LRP8: variants seen among roughly 807,000 people sequenced by gnomAD.
The protein encoded by LRP8 is LDL receptor related protein 8.
In LRP8, 46 loss-of-function variants were observed where a neutral mutation model predicts 111.6. That is an observed-to-expected ratio of 0.41 (90% confidence interval 0.33 to 0.53). The LOEUF (loss-of-function observed/expected upper bound fraction) is 0.53. Ranked by LOEUF, LRP8 falls within the 20% of genes least tolerant of loss-of-function variation. LRP8 has a pLI of 0.20. For missense variants in LRP8, 959 were observed against 1,297.4 expected, an observed-to-expected ratio of 0.74 and a Z score of 4.01; for synonymous variants, 464 against 511.2, an observed-to-expected ratio of 0.91 and a Z score of 1.24.
intron 12 of LRP8, among the ~76,000 whole-genome samples, chr1:53,261,094 C>A (rs1438710572): frequency 6.6e-6 from 1 of 152,212 alleles, no homozygotes; most frequent in Non-Finnish European, 1.5e-5. Context: ...CATCCTCATA[C>A]ACAGATCTAA....
chr1:53,277,615 C>T (rs1378597059), intron 4 of LRP8, among the ~76,000 whole-genome samples: 1 of 152,192 alleles, frequency 6.6e-6, no homozygotes, highest in Admixed American at 6.5e-5. Flanking sequence ...GCCCAGTGCA[C>T]AGGCTCCCAC....
chr1:53,260,723 C>G lies in LRP8; in HGVS notation c.1915-118G>C, dbSNP rs772183183. ...TTCCCTGAAATCTCCCCTGATCTGT[C>G]CTGTCTATGGATTCACGGTGGGGCT... On this transcript the variant is annotated intron_variant, in intron 12 of 18. Transcript: ENST00000306052. 5.0e-6 allele frequency: 5 copies of G among 999,284 alleles called. No homozygotes were observed. In the South Asian group the frequency reaches 7.6e-5, roughly 15 times the overall value. The allele number at this position is 999,284 out of a possible 1,614,324, so 61.9% of individuals were successfully genotyped here. A position where few individuals can be genotyped will look rare whatever the true frequency, so the allele number is the denominator to read the frequency against.
rs762857872 is a variant in LRP8, at chr1:53,262,616, TG to T, written c.1656-53del. 3.4e-5 allele frequency: 49 copies of T among 1,456,760 alleles called. No individual in the cohort carries two copies. In the African/African-American group the frequency reaches 6.4e-4, roughly 19 times the overall value. 90.2% of individuals were successfully genotyped at this position (1,456,760 alleles called of 1,614,324 possible). ...CTTCTTGCTGGGGACATGACCGGGGTGGTCTGAGTCACAAGAGCTCAATAAC... is the reference window on the plus strand; with the variant it reads ...CTTCTTGCTGGGGACATGACCGGGGTGTCTGAGTCACAAGAGCTCAATAAC... On this transcript the variant is annotated intron_variant, in intron 10 of 18. Coordinates refer to ENST00000306052, the MANE Select transcript of LRP8 (RefSeq NM_004631.5). This position sits in a 1 kb window ranked among gnomAD's most constrained non-coding sequence, Gnocchi z 4.8.
intron 3 of LRP8, among the ~76,000 whole-genome samples, chr1:53,284,428 C>T (rs563402365): frequency 6.1e-4 from 93 of 152,244 alleles, no homozygotes; most frequent in Non-Finnish European, 1.2e-3. Flanking sequence ...GCACAGCAGG[C>T]GAGAGACCGA....
chr1:53,294,163 C>T lies in LRP8; in HGVS notation c.245-4474G>A, dbSNP rs376639394. ...CTGTTTCCAGGGATTTATGTCCCCCCATGCCAGTCTGCCCCTTGGACAATG... is the reference window on the plus strand; with the variant it reads ...CTGTTTCCAGGGATTTATGTCCCCCTATGCCAGTCTGCCCCTTGGACAATG... On this transcript the variant is annotated intron_variant, in intron 2 of 18. Coordinates refer to ENST00000306052, the MANE Select transcript of LRP8 (RefSeq NM_004631.5). The surrounding 1 kb of genome is among the most constrained non-coding windows in gnomAD (Gnocchi z 4.1). Among the ~76,000 whole-genome samples the T allele has an allele frequency of 6.6e-6, 1 of 152,224 alleles. No individual in the cohort carries two copies. Among genetic ancestry groups the T allele is most frequent in the Non-Finnish European group, 1.5e-5 (1 of 68,044 alleles).
At chr1:53,258,199 A>G in intron 14 of LRP8, 120 bp downstream of exon 14, 1 of 1,033,110 alleles carries the variant, frequency 9.7e-7, no homozygotes, top group East Asian at 2.6e-5. Flanking sequence ...AAAGGCAACA[A>G]GTAACCAGGG....
intron 2 of LRP8, chr1:53,307,409 C>T (rs1329553393): frequency 6.6e-6 from 1 of 152,348 alleles, no homozygotes; most frequent in Admixed American, 6.5e-5. Context: ...CACAGCTCAG[C>T]CTGGCTCACT....
At chr1:53,310,358 A>C (rs1652768380) in intron 2 of LRP8, among the ~76,000 whole-genome samples, 1 of 146,888 alleles carries the variant, frequency 6.8e-6, no homozygotes, top group Non-Finnish European at 1.5e-5. Flanking sequence ...CCCACCTCCC[A>C]CCCTCCTGAC....
chr1:53,257,746 A>G (rs1646156702), intron 14 of LRP8, among the ~76,000 whole-genome samples: 1 of 152,244 alleles, frequency 6.6e-6, no homozygotes, highest in Non-Finnish European at 1.5e-5. Context: ...TAAATCTAGA[A>G]GGATTTTACA....
Position 53,256,861 on chromosome 1 carries a change from T to C in LRP8, c.2434+379A>G, listed in dbSNP as rs117424735. 2.6e-5 allele frequency among the ~76,000 whole-genome samples: 4 copies of C among 152,284 alleles called. No homozygotes were observed. The East Asian group carries it at 7.7e-4, about 29-fold the overall frequency. ...ACCTCCTCATATACACATCAGAACT[T>C]TGTGAAACATAGACACACACACCCT... On this transcript the variant is annotated intron_variant, in intron 15 of 18. Transcript: ENST00000306052.
intron 8 of LRP8, among the ~76,000 whole-genome samples, chr1:53,268,780 T>C (rs2100399576): frequency 6.6e-6 from 1 of 152,330 alleles, no homozygotes; most frequent in East Asian, 1.9e-4. Flanking sequence ...TGTAACTTTT[T>C]TTTCCACATT....
intron 3 of LRP8, 119 bp from the exon 4 acceptor site, chr1:53,280,834 C>T (rs1043147730): frequency 3.5e-5 from 44 of 1,247,698 alleles, no homozygotes; most frequent in Admixed American, 1.1e-4. Flanking sequence ...CATCAGGGCT[C>T]TTCTGGCCCA....
chr1:53,318,670 T>A (rs1353748587), intron 2 of LRP8, among the ~76,000 whole-genome samples: 4 of 151,562 alleles, frequency 2.6e-5, no homozygotes, highest in Non-Finnish European at 5.9e-5. Context: ...CATTAAATTA[T>A]GGAAGATCCA....
At chr1:53,248,507 A>G (rs1275003413) in intron 18 of LRP8, among the ~76,000 whole-genome samples, 1 of 152,226 alleles carries the variant, frequency 6.6e-6, no homozygotes, top group African/African-American at 2.4e-5. Flanking sequence ...GTATATACAG[A>G]CTGGAGTTTG....
intron 3 of LRP8, among the ~76,000 whole-genome samples, chr1:53,282,166 G>C (rs1338874867): frequency 2.0e-5 from 3 of 152,206 alleles, no homozygotes; most frequent in Non-Finnish European, 4.4e-5. Flanking sequence ...TTGGGGAGGG[G>C]AGCAGGTATC....
At chr1:53,310,710 A>G (rs573298913) in intron 2 of LRP8, among the ~76,000 whole-genome samples, 2 of 152,138 alleles carry the variant, frequency 1.3e-5, no homozygotes, top group African/African-American at 4.8e-5. Flanking sequence ...ACCAGAAAGA[A>G]CTTCGTTTCT....
At chr1:53,298,984 G>C (rs1289062703) in intron 2 of LRP8, among the ~76,000 whole-genome samples, 2 of 152,174 alleles carry the variant, frequency 1.3e-5, no homozygotes, top group Non-Finnish European at 2.9e-5. Flanking sequence ...TGGGCTCTCG[G>C]CCCCCACTAA....
In LRP8 at chr1:53,327,972, T is replaced by G; in HGVS notation, c.-60A>C. On this transcript the variant is annotated 5_prime_UTR_variant, in exon 1 of 19. It removes the in-frame stop codon of an upstream open reading frame in the 5' UTR. Transcript: ENST00000306052. ...CTCCCCGCGCCGCCGCCGCCGCGTCTCAGCCCTCCGAGTCCTTGCCGCGGC... is the reference window on the plus strand; with the variant it reads ...CTCCCCGCGCCGCCGCCGCCGCGTCGCAGCCCTCCGAGTCCTTGCCGCGGC... 1 of 1,009,980 alleles carries G rather than the reference T, an allele frequency of 9.9e-7. No individual in the cohort carries two copies. The highest frequency in any genetic ancestry group is 1.2e-6 in the Non-Finnish European group (1 of 845,390). The allele number at this position is 1,009,980 out of a possible 1,614,324, so 62.6% of individuals were successfully genotyped here.
intron 14 of LRP8, chr1:53,258,067 C>T (rs1367057494): frequency 3.3e-6 from 1 of 306,230 alleles, no homozygotes. Flanking sequence ...TCCAGAAACT[C>T]CCTGAAACTG....
Sources: allele counts gnomAD v4.1 joint callset (sites outside exome capture counted in the v4.1 genomes callset), GRCh38; gene constraint gnomAD v4.1.1; non-coding constraint Gnocchi (gnomAD v3.1); transcripts MANE v1.5; gene names NCBI Gene and HGNC (gene_info 2026-07-23, HGNC 2026-07-21).